ASXL1: variants seen among roughly 807,000 people sequenced by gnomAD.
ASXL1 encodes the protein ASXL transcriptional regulator 1.
ASXL1 carries 65 observed loss-of-function variants against 89.1 expected under a neutral mutation model. The ratio of observed to expected loss-of-function variants is 0.73; its 90% CI spans 0.60 to 0.90. The LOEUF is 0.90. Ranked by LOEUF, ASXL1 falls within the 40% of genes least tolerant of loss-of-function variation. The probability of loss-of-function intolerance (pLI) is 0.00; values close to 1 mark genes in which losing one functional copy is unlikely to be tolerated. For synonymous variants in ASXL1, 739 were observed against 746.9 expected, an observed-to-expected ratio of 0.99 and a Z score of 0.17; for missense variants, 1,786 against 1,942.9, an observed-to-expected ratio of 0.92 and a Z score of 1.52.
chr20:32,372,225 T>C, intron 4 of ASXL1: 1 of 1,343,786 alleles, frequency 7.4e-7, no homozygotes, highest in Non-Finnish European at 9.8e-7. Context: ...ATAAACACCA[T>C]TGTATGAACC....
Position 32,434,938 on chromosome 20 carries a change from GC to G in ASXL1, c.2227del (p.Leu743Ter). On this transcript the variant is annotated frameshift_variant, in exon 13 of 13. Transcript: ENST00000375687. LOFTEE classifies it low-confidence loss of function (END_TRUNC). ...QRATVGLTDGLGDASQLPVAP... is the reference protein window; with the variant it reads ...QRATVGLTDGXGDASQLPVAP... Reference sequence around the variant, plus strand: ...GGGCTACAGTTGGACTCACAGATGGGCTAGGAGATGCCTCCCAACTCCCCGT... The same window carrying G: ...GGGCTACAGTTGGACTCACAGATGGGTAGGAGATGCCTCCCAACTCCCCGT... The G allele has an allele frequency of 6.2e-7, 1 of 1,614,180 alleles. No homozygotes were observed. The highest frequency in any genetic ancestry group is 1.3e-5 in the African/African-American group (1 of 75,054).
At chr20:32,419,308 T>C (rs2049197283) in intron 4 of ASXL1, among the ~76,000 whole-genome samples, 1 of 152,090 alleles carries the variant, frequency 6.6e-6, no homozygotes, top group Admixed American at 6.5e-5. Flanking sequence ...GCTCAAGCAA[T>C]GCTCCCACCT....
intron 4 of ASXL1, among the ~76,000 whole-genome samples, chr20:32,425,432 A>G (rs1350424820): frequency 6.6e-6 from 1 of 152,216 alleles, no homozygotes; most frequent in Non-Finnish European, 1.5e-5. Context: ...GCCAAATTGT[A>G]TTCTCAAATG....
At position 32,435,947 on chromosome 20, in the gene ASXL1, T is replaced by C. The variant is rs778886643; in HGVS notation, c.3235T>C (p.Ser1079Pro). The C allele has an allele frequency of 2.4e-5, 39 of 1,613,978 alleles. No individual in the cohort carries two copies. The Admixed American group carries it at 6.5e-4, about 27-fold the overall frequency. ...VCAVRQKIPDSLLLASTEYQP... is the reference protein window; with the variant it reads ...VCAVRQKIPDPLLLASTEYQP... ...TGCGGTCCGCCAAAAGATCCCAGAT[T>C]CCCTACTGCTGGCCAGTACTGAGTA... is the stretch of plus-strand genomic sequence containing the variant. The change falls in exon 13 of 13, where the codon TCC (serine) becomes CCC (proline). Residue 1079 changes from serine (S) to proline (P), a missense_variant. Ser to Pro is a moderately conservative substitution (Grantham distance 74, BLOSUM62 -1). Coordinates refer to ENST00000375687, the MANE Select transcript of ASXL1 (RefSeq NM_015338.6).
chr20:32,434,459 T>G lies in ASXL1; in HGVS notation c.1747T>G (p.Trp583Gly). 9 of 1,614,052 alleles carry G rather than the reference T, an allele frequency of 5.6e-6. No individual in the cohort carries two copies. Among genetic ancestry groups the G allele is most frequent in the Non-Finnish European group, 7.6e-6 (9 of 1,179,972 alleles). The change falls in exon 13 of 13, where the codon TGG (tryptophan) becomes GGG (glycine). Residue 583 changes from tryptophan to glycine, a missense_variant. Transcript: ENST00000375687. ...TCAACTTTCACGTATCAAACCACCCTGGGTGGTTAAAGGTCAGCCCACTTA... is the reference window on the plus strand; with the variant it reads ...TCAACTTTCACGTATCAAACCACCCGGGGTGGTTAAAGGTCAGCCCACTTA... ...RIQLSRIKPP[W>G]VVKGQPTYQI...
Position 32,435,382 on chromosome 20 carries a change from C to A in ASXL1, c.2670C>A (p.Leu890=), listed in dbSNP as rs140299198. 1 of 1,614,184 alleles carries A rather than the reference C, an allele frequency of 6.2e-7. No homozygotes were observed. Among genetic ancestry groups the A allele is most frequent in the Non-Finnish European group, 8.5e-7 (1 of 1,180,026 alleles). The part of the protein sequence containing the change: ...TRQENLKTKA[L]VSNSSLHWIP... The stretch of plus-strand genomic sequence containing the variant: ...AAGAAAACTTGAAAACCAAGGCTCT[C>A]GTTTCTAACAGTTCTTTGCATTGGA... Residue 890 remains leucine (L), a synonymous_variant, in exon 13 of 13, where the codon CTC becomes CTA. Coordinates refer to ENST00000375687, the MANE Select transcript of ASXL1 (RefSeq NM_015338.6).
At chr20:32,381,444 C>T (rs986987349) in intron 4 of ASXL1, among the ~76,000 whole-genome samples, 2 of 151,964 alleles carry the variant, frequency 1.3e-5, no homozygotes, top group Admixed American at 1.3e-4. Flanking sequence ...TCAAGTGATC[C>T]ACCTGCCTCA....
chr20:32,358,890 G>A, intron 1 of ASXL1, 58 bp downstream of exon 1: 1 of 1,420,684 alleles, frequency 7.0e-7, no homozygotes, highest in Non-Finnish European at 9.3e-7. Context: ...GGCTCGCCGC[G>A]CACCCCCCCA....
At chr20:32,358,883 T>C (rs1206449721) in intron 1 of ASXL1, 51 bp downstream of exon 1, 108 of 1,416,204 alleles carry the variant, frequency 7.6e-5, no homozygotes, top group Non-Finnish European at 9.0e-5. Context: ...TGGGGGGGGC[T>C]CGCCGCGCAC....
intron 4 of ASXL1, among the ~76,000 whole-genome samples, chr20:32,397,250 CTTTTTTTTTTTT>C (rs71187116): frequency 3.4e-3 from 24 of 6,980 alleles, no homozygotes; most frequent in South Asian, 0.028. Flanking sequence ...CCATGCCTGG[CTTTTTTTTTTTT>C]TTTTTTTTTT....
In ASXL1 at chr20:32,429,314, CTT is replaced by C; in HGVS notation, c.472-21_472-20del. On this transcript the variant is annotated intron_variant, in intron 6 of 12. Coordinates refer to ENST00000375687, the MANE Select transcript of ASXL1 (RefSeq NM_015338.6). The surrounding 1 kb of genome is among the most constrained non-coding windows in gnomAD (Gnocchi z 4.9). Reference sequence around the variant, plus strand: ...TGGCTCTGCAGTTGACTTGGGCTCTCTTTTGTTCTCTCTTGGAACGCAGGCGA... The same window carrying C: ...TGGCTCTGCAGTTGACTTGGGCTCTCTTGTTCTCTCTTGGAACGCAGGCGA... The C allele has an allele frequency of 6.2e-7, 1 of 1,612,056 alleles. No individual in the cohort carries two copies. The highest frequency in any genetic ancestry group is 8.5e-7 in the Non-Finnish European group (1 of 1,178,548).
At chr20:32,382,122 A>G (rs1220602207) in intron 4 of ASXL1, among the ~76,000 whole-genome samples, 3 of 151,400 alleles carry the variant, frequency 2.0e-5, no homozygotes, top group Non-Finnish European at 4.4e-5. Context: ...AGGCCTGGCT[A>G]TTTTTATTTT....
chr20:32,396,947 A>G (rs563648593), intron 4 of ASXL1, among the ~76,000 whole-genome samples: 42 of 151,816 alleles, frequency 2.8e-4, no homozygotes, highest in African/African-American at 9.4e-4. Context: ...TGGGCCACAC[A>G]TAAAATACAC....
rs190978182 is a variant in ASXL1, at chr20:32,393,534, C to T, written c.252+24411C>T. Among the ~76,000 whole-genome samples the T allele has an allele frequency of 1.1e-3, 161 of 152,198 alleles. 3 individuals carry two copies. The East Asian group carries it at 0.021, about 20-fold the overall frequency. On this transcript the variant is annotated intron_variant, in intron 4 of 12. Coordinates refer to ENST00000375687, the MANE Select transcript of ASXL1 (RefSeq NM_015338.6). ...TCGCCCAGGCTGCAGTGCAGTGGCA[C>T]GATCTCAGCTCACTCCAACCTCCGT...
chr20:32,387,301 A>T (rs188097242), intron 4 of ASXL1, among the ~76,000 whole-genome samples: 1,507 of 149,454 alleles, frequency 0.01, 26 homozygotes, highest in African/African-American at 0.037. Context: ...TAAAATACAT[A>T]AAAAATTTAA....
intron 4 of ASXL1, among the ~76,000 whole-genome samples, chr20:32,375,719 G>A (rs1237250002): frequency 4.0e-5 from 6 of 150,542 alleles, no homozygotes; most frequent in African/African-American, 7.3e-5. Flanking sequence ...GCCTGGCTCC[G>A]TTGCCCAGGC....
chr20:32,359,827 C>T (rs1569229941), intron 1 of ASXL1: 2 of 717,768 alleles, frequency 2.8e-6, no homozygotes, highest in Non-Finnish European at 5.2e-6. Context: ...TCCCACAAAG[C>T]TCAGACACTT....
intron 4 of ASXL1, among the ~76,000 whole-genome samples, chr20:32,411,215 CTTTTTTTTTTTT>C (rs71187118): frequency 3.7e-5 from 2 of 53,394 alleles, no homozygotes; most frequent in Non-Finnish European, 6.4e-5. Flanking sequence ...TTTATGGATT[CTTTTTTTTTTTT>C]TTTTTTTTTT....
chr20:32,426,023 T>C (rs2011271470), intron 4 of ASXL1, among the ~76,000 whole-genome samples: 1 of 152,234 alleles, frequency 6.6e-6, no homozygotes, highest in Non-Finnish European at 1.5e-5. Context: ...AAATGTAGTC[T>C]AAATACAAGT....
Sources: allele counts gnomAD v4.1 joint callset (sites outside exome capture counted in the v4.1 genomes callset), GRCh38; gene constraint gnomAD v4.1.1; non-coding constraint Gnocchi (gnomAD v3.1); transcripts MANE v1.5; gene names NCBI Gene and HGNC (gene_info 2026-07-23, HGNC 2026-07-21).